Variants in KDM4C observed in about 807,000 individuals in gnomAD.
KDM4C encodes lysine-specific demethylase 4C.
Under a neutral mutation model 129.3 loss-of-function variants are expected in KDM4C, and 81 were observed. The ratio of observed to expected loss-of-function variants is 0.63; its 90% CI spans 0.52 to 0.75. The LOEUF (loss-of-function observed/expected upper bound fraction) is 0.75. Ranked by LOEUF, KDM4C falls within the 30% of genes least tolerant of loss-of-function variation. The pLI is 0.00. For synonymous variants in KDM4C, 573 were observed against 456.1 expected (o/e 1.26, Z -3.26); for missense variants, 1,457 against 1,304.0 (o/e 1.12, Z -1.81).
At chr9:6,769,800 A>C (rs1480747509) in intron 1 of KDM4C, among the ~76,000 whole-genome samples, 4 of 152,240 alleles carry the variant, frequency 2.6e-5, no homozygotes, top group Non-Finnish European at 5.9e-5. Context: ...TTTAACAACA[A>C]AGAAAAATTA....
At chr9:6,890,384 C>A (rs140028072) in intron 7 of KDM4C, among the ~76,000 whole-genome samples, 2 of 152,194 alleles carry the variant, frequency 1.3e-5, no homozygotes, top group African/African-American at 4.8e-5. Context: ...TCTTCCTCTT[C>A]AACTCAGCCC....
chr9:6,792,403 G>A (rs887870412), intron 1 of KDM4C, among the ~76,000 whole-genome samples: 9 of 151,608 alleles, frequency 5.9e-5, no homozygotes, highest in Non-Finnish European at 8.8e-5. Flanking sequence ...TTACTCTGTC[G>A]CTCAGACCAG....
chr9:6,867,017 A>ATATT (rs1265774550), intron 5 of KDM4C, among the ~76,000 whole-genome samples: 1 of 83,784 alleles, frequency 1.2e-5, no homozygotes, highest in African/African-American at 4.5e-5. Flanking sequence ...ATATATATAT[A>ATATT]TTTTTTTTTT....
At chr9:7,052,886 A>AGC (rs1287824271) in intron 17 of KDM4C, among the ~76,000 whole-genome samples, 2 of 12,434 alleles carry the variant, frequency 1.6e-4, no homozygotes, top group African/African-American at 8.8e-4. Flanking sequence ...AGAGAGAGAG[A>AGC]GAGAGAGAGA....
chr9:6,845,273 G>A (rs191163655), intron 4 of KDM4C, among the ~76,000 whole-genome samples: 2 of 152,276 alleles, frequency 1.3e-5, no homozygotes, highest in African/African-American at 2.4e-5. Flanking sequence ...GAGTGCAGTG[G>A]CGCAATCACT....
chr9:7,067,814 G>T (rs920353650), intron 17 of KDM4C, among the ~76,000 whole-genome samples: 8 of 150,062 alleles, frequency 5.3e-5, no homozygotes, highest in African/African-American at 1.7e-4. Flanking sequence ...TTTTTTTTTT[G>T]AGATGAAGTC....
intron 7 of KDM4C, among the ~76,000 whole-genome samples, chr9:6,892,673 A>G (rs1212083102): frequency 1.3e-5 from 2 of 152,210 alleles, no homozygotes; most frequent in Non-Finnish European, 2.9e-5. Flanking sequence ...CCTGCCAAGC[A>G]TGTATTATCA....
At chr9:6,861,105 C>T (rs1265188968) in intron 5 of KDM4C, among the ~76,000 whole-genome samples, 3 of 152,204 alleles carry the variant, frequency 2.0e-5, no homozygotes, top group Non-Finnish European at 4.4e-5. Flanking sequence ...ACTAACACAT[C>T]TATAATTTGT....
At chr9:6,759,235 AAACTC>A (rs1818905659) in intron 1 of KDM4C, among the ~76,000 whole-genome samples, 1 of 152,186 alleles carries the variant, frequency 6.6e-6, no homozygotes, top group South Asian at 2.1e-4. Context: ...GGTTCACACT[AAACTC>A]TGCCCTATTT....
At position 7,175,407 on chromosome 9, in the gene KDM4C, C is replaced by T. The variant is rs890144010; in HGVS notation, c.*678C>T. ...GAAAGAATTCTTATGAATTGTTATG[C>T]GAATTTTATATATTTAAAGAGGGAG... On this transcript the variant is annotated 3_prime_UTR_variant, in exon 22 of 22. Transcript: ENST00000381309. The T allele has an allele frequency of 4.6e-5, 7 of 152,380 alleles. No homozygotes were observed. The highest frequency in any genetic ancestry group is 2.1e-4 in the South Asian group (1 of 4,806). 9.4% of individuals were successfully genotyped at this position (152,380 alleles called of 1,614,324 possible).
At position 6,793,126 on chromosome 9, in the gene KDM4C, T is replaced by C; in HGVS notation, c.138T>C (p.Leu46=). 1 of 1,613,546 alleles carries C rather than the reference T, an allele frequency of 6.2e-7. No individual in the cohort carries two copies. Among genetic ancestry groups the C allele is most frequent in the Non-Finnish European group, 8.5e-7 (1 of 1,179,812 alleles). The change falls in exon 2 of 22, where the codon CTT becomes CTC. Residue 46 remains leucine (L), a synonymous_variant. Coordinates refer to ENST00000381309, the MANE Select transcript of KDM4C (RefSeq NM_015061.6). ...CTAAAGGAGCCCATCGTGCGGGTCT[T>C]GCAAAGGTGATTATCCTTCGATGCT... ...MESKGAHRAG[L]AKVIPPKEWK... is the part of the protein sequence containing the mutation.
intron 18 of KDM4C, among the ~76,000 whole-genome samples, chr9:7,125,702 C>T (rs1839963030): frequency 6.6e-6 from 1 of 152,158 alleles, no homozygotes; most frequent in East Asian, 1.9e-4. Context: ...TCTAAATATC[C>T]ATGCAAGAAA....
chr9:6,923,796 A>G (rs905176443), intron 8 of KDM4C, among the ~76,000 whole-genome samples: 12 of 152,194 alleles, frequency 7.9e-5, no homozygotes, highest in Non-Finnish European at 1.8e-4. Flanking sequence ...TCCTGTGTCA[A>G]TGACTGCAGA....
chr9:6,860,649 G>A (rs943381860), intron 5 of KDM4C, among the ~76,000 whole-genome samples: 3 of 152,210 alleles, frequency 2.0e-5, no homozygotes, highest in African/African-American at 7.2e-5. Context: ...TGCTAGGACT[G>A]TGAGAAGAGA....
At chr9:6,913,373 G>C (rs1386735816) in intron 8 of KDM4C, among the ~76,000 whole-genome samples, 2 of 152,354 alleles carry the variant, frequency 1.3e-5, no homozygotes, top group East Asian at 1.9e-4. Flanking sequence ...CATTTGTTGT[G>C]ATGTAGTGCA....
intron 19 of KDM4C, among the ~76,000 whole-genome samples, chr9:7,161,122 C>T (rs182130493): frequency 1.3e-4 from 20 of 152,316 alleles, no homozygotes; most frequent in East Asian, 5.8e-4. Flanking sequence ...TCCATGGCCA[C>T]GGGACCCACC....
intron 3 of KDM4C, among the ~76,000 whole-genome samples, chr9:6,808,690 T>TAAAA (rs908471656): frequency 4.3e-4 from 27 of 63,428 alleles, no homozygotes; most frequent in African/African-American, 6.6e-4. Context: ...GAATTATCAA[T>TAAAA]AAAAAAAAAA....
At chr9:6,931,793 C>A (rs1823792396) in intron 8 of KDM4C, among the ~76,000 whole-genome samples, 1 of 152,182 alleles carries the variant, frequency 6.6e-6, no homozygotes, top group Admixed American at 6.5e-5. Context: ...GAGCCACCAT[C>A]CTCAGCCAGC....
In KDM4C at chr9:6,768,470, C is replaced by T. The variant is rs572699302; in HGVS notation, c.-18+10267C>T. Among the ~76,000 whole-genome samples, 12 of 152,072 alleles carry T rather than the reference C, an allele frequency of 7.9e-5. No homozygotes were observed. The East Asian group carries it at 2.3e-3, about 29-fold the overall frequency. Reference sequence around the variant, plus strand: ...CATGCTCCCTCACTCCTCAGTAACTCAATGTGTATTTCCTACATTTTTCTC... The same window carrying T: ...CATGCTCCCTCACTCCTCAGTAACTTAATGTGTATTTCCTACATTTTTCTC... On this transcript the variant is annotated intron_variant, in intron 1 of 21. Coordinates refer to ENST00000381309, the MANE Select transcript of KDM4C (RefSeq NM_015061.6).
Sources: allele counts gnomAD v4.1 joint callset (sites outside exome capture counted in the v4.1 genomes callset), GRCh38; gene constraint gnomAD v4.1.1; transcripts MANE v1.5; gene names NCBI Gene and HGNC (gene_info 2026-07-23, HGNC 2026-07-21).